OR51B5: variants seen among roughly 807,000 people sequenced by gnomAD.
The protein encoded by OR51B5 is olfactory receptor 51B5.
For missense variants in OR51B5, 456 were observed against 374.6 expected, an observed-to-expected ratio of 1.22 and a Z score of -1.79; for synonymous variants, 186 against 144.8, an observed-to-expected ratio of 1.28 and a Z score of -2.04.
At chr11:5,408,017 A>C (rs910825067) in intron 1 of OR51B5, among the ~76,000 whole-genome samples, 2 of 152,138 alleles carry the variant, frequency 1.3e-5, no homozygotes, top group Non-Finnish European at 2.9e-5. Flanking sequence ...TTCCCTCCCC[A>C]AAAACATATT....
chr11:5,396,544 C>G (rs1190339819), intron 1 of OR51B5, among the ~76,000 whole-genome samples: 1 of 15,402 alleles, frequency 6.5e-5, no homozygotes, highest in Non-Finnish European at 3.6e-4. Flanking sequence ...AACCACTGCT[C>G]AAGGAAATAA....
chr11:5,415,204 A>T (rs889917373), intron 1 of OR51B5, among the ~76,000 whole-genome samples: 24 of 151,920 alleles, frequency 1.6e-4, no homozygotes, highest in African/African-American at 5.8e-4. Context: ...GAAGGCAGAA[A>T]TAAAGATTTT....
At chr11:5,503,560 T>C (rs1376950119) in intron 1 of OR51B5, among the ~76,000 whole-genome samples, 1 of 152,226 alleles carries the variant, frequency 6.6e-6, no homozygotes, top group Non-Finnish European at 1.5e-5. Context: ...AAATTTGACA[T>C]CTGCTATAAA....
At chr11:5,351,623 G>T in intron 1 of OR51B5, 1 of 1,614,026 alleles carries the variant, frequency 6.2e-7, no homozygotes, top group Non-Finnish European at 8.5e-7. Flanking sequence ...ATACTTCTTG[G>T]CAATGGCACT....
At chr11:5,355,631 C>A (rs930165760) in intron 1 of OR51B5, 1 of 152,256 alleles carries the variant, frequency 6.6e-6, no homozygotes, top group African/African-American at 2.4e-5. Context: ...AAAATATCAT[C>A]TTCACAGACT....
chr11:5,496,445 A>G (rs1017984829), intron 1 of OR51B5, among the ~76,000 whole-genome samples: 1 of 23,384 alleles, frequency 4.3e-5, no homozygotes, highest in East Asian at 1.4e-3. Context: ...GCCTAACTAC[A>G]TAGGGCTCTA....
chr11:5,477,590 A>G (rs139200990), intron 1 of OR51B5, among the ~76,000 whole-genome samples: 7,114 of 152,224 alleles, frequency 0.047, 281 homozygotes, highest in Non-Finnish European at 0.067. Context: ...CTGCATTTCC[A>G]TCTGAGGTAC....
At chr11:5,346,979 G>C (rs558067620), upstream of OR51B5, 5 of 152,224 alleles carry the variant, frequency 3.3e-5, no homozygotes, top group African/African-American at 1.2e-4. Flanking sequence ...CCCTTTTATA[G>C]CCAACTTGGA....
At chr11:5,379,932 T>C (rs558821057) in intron 1 of OR51B5, among the ~76,000 whole-genome samples, 37 of 151,632 alleles carry the variant, frequency 2.4e-4, no homozygotes, top group Admixed American at 5.3e-4. Flanking sequence ...CTTTATCAGA[T>C]GCAACCGCCC....
Position 5,501,958 on chromosome 11 carries a change from G to A in OR51B5, n.84+3611C>T, listed in dbSNP as rs573243589. On this transcript the variant is annotated intron_variant and non_coding_transcript_variant, in intron 1 of 4. Transcript: ENST00000415970. ...ACAGGCCCGGTGTGTGATGTTCCCC[G>A]CCCTGTGTCCATGTGTTCTCATTGT... 1.7e-4 allele frequency among the ~76,000 whole-genome samples: 25 copies of A among 150,576 alleles called. 1 individual carries two copies. The highest frequency in any genetic ancestry group is 3.9e-4 in the East Asian group (2 of 5,074).
intron 1 of OR51B5, among the ~76,000 whole-genome samples, chr11:5,394,420 G>T (rs942914819): frequency 6.6e-6 from 1 of 152,274 alleles, no homozygotes; most frequent in East Asian, 1.9e-4. Context: ...ATCAGCCAAA[G>T]CTGTACATAT....
Position 5,433,621 on chromosome 11 carries a change from A to C in OR51B5, n.84+71948T>G, listed in dbSNP as rs574186604. Among the ~76,000 whole-genome samples, 10 of 152,278 alleles carry C rather than the reference A, an allele frequency of 6.6e-5. No homozygotes were observed. The South Asian group carries it at 1.9e-3, about 28-fold the overall frequency. On this transcript the variant is annotated intron_variant and non_coding_transcript_variant, in intron 1 of 4. Coordinates refer to the OR51B5 transcript ENST00000415970. ...AATACAAAGAGCTATGACCTCCAGG[A>C]GTCATACCAGCCTGGGCAACATAGC...
chr11:5,379,490 TA>T (rs1849578430), intron 1 of OR51B5, among the ~76,000 whole-genome samples: 3 of 151,568 alleles, frequency 2.0e-5, no homozygotes, highest in African/African-American at 4.8e-5. Context: ...AATAAAAAAA[TA>T]AAAAATAAAG....
At chr11:5,383,058 T>G (rs1465164407) in intron 1 of OR51B5, among the ~76,000 whole-genome samples, 8 of 152,306 alleles carry the variant, frequency 5.3e-5, no homozygotes, top group African/African-American at 1.4e-4. Context: ...TAACTCAGGT[T>G]CTGTAGCATA....
intron 1 of OR51B5, among the ~76,000 whole-genome samples, chr11:5,350,360 T>A (rs1849059905): frequency 6.6e-6 from 1 of 152,188 alleles, no homozygotes; most frequent in Admixed American, 6.5e-5. Context: ...CAGAAAGAGG[T>A]CTTGTAAATC....
chr11:5,470,430 C>T (rs912864084), intron 1 of OR51B5, among the ~76,000 whole-genome samples: 1 of 152,172 alleles, frequency 6.6e-6, no homozygotes, highest in South Asian at 2.1e-4. Context: ...ACTTTCACAA[C>T]TAATACCTTG....
At position 5,480,737 on chromosome 11, in the gene OR51B5, G is replaced by C. The variant is rs1340920146; in HGVS notation, n.84+24832C>G. Among the ~76,000 whole-genome samples the C allele has an allele frequency of 4.1e-3, 618 of 150,156 alleles. 5 individuals carry two copies. The highest frequency in any genetic ancestry group is 0.014 in the African/African-American group (578 of 40,912). ...AGAGAATACTACAAACACCTCTATG[G>C]AAATAAACTAGAAAATCTAGAAGAA... On this transcript the variant is annotated intron_variant and non_coding_transcript_variant, in intron 1 of 4. Coordinates refer to the OR51B5 transcript ENST00000415970.
In OR51B5 at chr11:5,358,103, C is replaced by T. The variant is rs185836848; in HGVS notation, n.85-11193G>A. Among the ~76,000 whole-genome samples, 582 of 151,590 alleles carry T rather than the reference C, an allele frequency of 3.8e-3. 3 individuals are homozygous for T. Among genetic ancestry groups the T allele is most frequent in the Non-Finnish European group, 6.2e-3 (419 of 67,706 alleles). On this transcript the variant is annotated intron_variant and non_coding_transcript_variant, in intron 1 of 4. Coordinates refer to the OR51B5 transcript ENST00000415970. ...AGAACTAGAGAAGCAAGAGCAAACA[C>T]ATTCAAATGCTAGCAGAAGGCAAGA...
intron 1 of OR51B5, among the ~76,000 whole-genome samples, chr11:5,412,653 T>A (rs1428602033): frequency 6.6e-6 from 1 of 152,136 alleles, no homozygotes; most frequent in Non-Finnish European, 1.5e-5. Flanking sequence ...TGCACATGGC[T>A]CAGAGGGTCC....
Sources: gnomAD v4.1 joint callset for allele counts (sites outside exome capture counted in the v4.1 genomes callset) on GRCh38, gnomAD v4.1.1 for gene constraint, MANE v1.5 for transcripts, NCBI Gene and HGNC (gene_info 2026-07-23, HGNC 2026-07-21) for gene names.